Variants in DMBT1 observed in about 807,000 individuals in gnomAD.
The protein encoded by DMBT1 is deleted in malignant brain tumors 1, also known as scavenger receptor cysteine-rich domain-containing protein DMBT1.
A neutral mutation model predicts 252.9 loss-of-function variants in DMBT1; 198 were observed. The observed-to-expected ratio is 0.78, with a 90% CI of 0.70 to 0.88. The LOEUF is 0.88. Ranked by LOEUF, DMBT1 falls within the 40% of genes least tolerant of loss-of-function variation. DMBT1 has a pLI of 0.00. For missense variants in DMBT1, 2,432 were observed against 2,404.7 expected (o/e 1.01, Z -0.24); for synonymous variants, 990 against 942.7 (o/e 1.05, Z -0.92).
chr10:122,587,512 A>G (rs1409134716), intron 16 of DMBT1, among the ~76,000 whole-genome samples: 1 of 148,100 alleles, frequency 6.8e-6, no homozygotes, highest in Non-Finnish European at 1.5e-5. Flanking sequence ...GGGCTGGGCT[A>G]GAAGATCACA....
Position 122,631,014 on chromosome 10 carries a change from C to A in DMBT1, c.6079C>A (p.Arg2027Ser), listed in dbSNP as rs367889743. ...LNSSYGLCAGRVEIYHGGTWG... is the reference protein window; with the variant it reads ...LNSSYGLCAGSVEIYHGGTWG... ...TTCATCCTATGGTCTATGTGCCGGGCGTGTAGAAATTTACCATGGTGGCAC... is the reference window on the plus strand; with the variant it reads ...TTCATCCTATGGTCTATGTGCCGGGAGTGTAGAAATTTACCATGGTGGCAC... Residue 2027 changes from arginine (R) to serine (S), a missense_variant, in exon 49 of 56, where the codon CGT becomes AGT. Arg to Ser is a moderately radical substitution (Grantham distance 110). Coordinates refer to ENST00000338354, the MANE Select transcript of DMBT1 (RefSeq NM_001377530.1). 13 of 1,613,058 alleles carry A rather than the reference C, an allele frequency of 8.1e-6. No individual in the cohort carries two copies. Among genetic ancestry groups the A allele is most frequent in the Non-Finnish European group, 1.1e-5 (13 of 1,179,160 alleles).
intron 52 of DMBT1, among the ~76,000 whole-genome samples, chr10:122,634,352 CT>C (rs1184996032): frequency 1.1e-5 from 1 of 90,632 alleles, no homozygotes; most frequent in Non-Finnish European, 2.3e-5. Flanking sequence ...TTCTTTCTTT[CT>C]TTCTTTCTTT....
At chr10:122,637,079 G>C (rs1476016903) in intron 53 of DMBT1, 49 bp from the exon 54 acceptor site, 1 of 1,565,348 alleles carries the variant, frequency 6.4e-7, no homozygotes, top group South Asian at 1.2e-5. Context: ...CGTAGGACTT[G>C]TGGAGTCTGG....
Position 122,621,158 on chromosome 10 carries a change from G to A in DMBT1, c.5386G>A (p.Asp1796Asn). 1 of 1,613,896 alleles carries A rather than the reference G, an allele frequency of 6.2e-7. No homozygotes were observed. Among genetic ancestry groups the A allele is most frequent in the Non-Finnish European group, 8.5e-7 (1 of 1,179,806 alleles). Residue 1796 changes from aspartate to asparagine, a missense_variant, in exon 44 of 56, where the codon GAC becomes AAC. Asp to Asn is a conservative substitution (Grantham distance 23). This residue lies in a region of DMBT1 where 1,162 missense variants were observed against 1,169.0 expected (regional missense o/e 0.99). Transcript: ENST00000338354. ...YRGSWGTVCD[D>N]SWDTNDANVV... ...AGGCTCCTGGGGAACCGTGTGTGAT[G>A]ACAGCTGGGACACCAATGATGCCAA...
chr10:122,635,546 T>C (rs1435078570), intron 52 of DMBT1, among the ~76,000 whole-genome samples: 3 of 152,108 alleles, frequency 2.0e-5, no homozygotes, highest in Non-Finnish European at 4.4e-5. Flanking sequence ...TTGTTTCAAT[T>C]TTTATTTTTC....
chr10:122,578,681 G>A, intron 8 of DMBT1, 37 bp from the exon 9 acceptor site: 1 of 1,578,990 alleles, frequency 6.3e-7, no homozygotes, highest in Non-Finnish European at 8.6e-7. Flanking sequence ...TTCCCTTCAA[G>A]TCCAATTGTA....
intron 26 of DMBT1, 94 bp downstream of exon 26, chr10:122,599,191 C>G: frequency 6.3e-7 from 1 of 1,589,610 alleles, no homozygotes; most frequent in Non-Finnish European, 8.6e-7. Context: ...CTCAAAGCTT[C>G]TTCTATGTTT....
At chr10:122,630,219 C>T in intron 47 of DMBT1, 69 bp from the exon 48 acceptor site, 1 of 1,523,870 alleles carries the variant, frequency 6.6e-7, no homozygotes, top group Admixed American at 1.7e-5. Context: ...TCGTAAAGTG[C>T]AAACTATTTA....
chr10:122,576,333 C>T (rs1050523483), intron 6 of DMBT1, 66 bp from the exon 7 acceptor site: 7 of 1,579,808 alleles, frequency 4.4e-6, no homozygotes, highest in Admixed American at 3.5e-5. Flanking sequence ...CCCTGAATGC[C>T]CTGCAGGCCC....
chr10:122,621,428 C>A, intron 44 of DMBT1, 48 bp downstream of exon 44: 1 of 1,611,862 alleles, frequency 6.2e-7, no homozygotes, highest in Non-Finnish European at 8.5e-7. Context: ...GGAGTTTGCT[C>A]CAGAAGAAAC....
Position 122,637,192 on chromosome 10 carries a change from C to A in DMBT1, c.6822C>A (p.Gly2274=). ...GCAGGAGCTATCTCCAATCCTTGGG[C>A]TTTTCTGCCAGTGACCTTGTCATTT... is the stretch of plus-strand genomic sequence containing the variant. ...SVSRSYLQSL[G]FSASDLVIST... is the part of the protein sequence containing the mutation. The change falls in exon 54 of 56, where the codon GGC becomes GGA. Residue 2274 remains glycine, a synonymous_variant. Transcript: ENST00000338354. The A allele has an allele frequency of 6.2e-7, 1 of 1,614,022 alleles. No homozygotes were observed. Among genetic ancestry groups the A allele is most frequent in the South Asian group, 1.1e-5 (1 of 91,076 alleles).
At chr10:122,642,475 T>A (rs998236584) in intron 55 of DMBT1, among the ~76,000 whole-genome samples, 4 of 152,166 alleles carry the variant, frequency 2.6e-5, no homozygotes, top group Non-Finnish European at 5.9e-5. Flanking sequence ...TGTAAGCATA[T>A]CCTTAGGTTA....
intron 1 of DMBT1, among the ~76,000 whole-genome samples, chr10:122,563,781 A>T (rs1362317859): frequency 6.6e-6 from 1 of 152,162 alleles, no homozygotes; most frequent in African/African-American, 2.4e-5. Context: ...AACAACTTCA[A>T]TGTGGTGTTC....
rs1295520161 is a variant in DMBT1, at chr10:122,590,531, A to G, written c.2108-134A>G. On this transcript the variant is annotated intron_variant, in intron 17 of 55. Coordinates refer to ENST00000338354, the MANE Select transcript of DMBT1 (RefSeq NM_001377530.1). ...AAGGAGCATCTTTGTGGGGACGTGC[A>G]TGGCAATGCCCCTCCCTCTGTGATG... is the stretch of plus-strand genomic sequence containing the variant. 3.5e-6 allele frequency: 4 copies of G among 1,137,874 alleles called. No individual in the cohort carries two copies. In the African/African-American group the frequency reaches 5.8e-5, roughly 17 times the overall value. The allele number at this position is 1,137,874 out of a possible 1,614,324, so 70.5% of individuals were successfully genotyped here. A position where few individuals can be genotyped will look rare whatever the true frequency, so the allele number is the denominator to read the frequency against.
intron 25 of DMBT1, among the ~76,000 whole-genome samples, chr10:122,598,535 T>C (rs2097906959): frequency 6.6e-6 from 1 of 152,194 alleles, no homozygotes; most frequent in African/African-American, 2.4e-5. Context: ...CCATTCCTGT[T>C]AACTTCAGTA....
intron 9 of DMBT1, 30 bp downstream of exon 9, chr10:122,578,789 C>T: frequency 6.3e-7 from 1 of 1,586,134 alleles, no homozygotes. Context: ...CTCCCTGGGG[C>T]TCACTTTCTA....
intron 6 of DMBT1, 118 bp from the exon 7 acceptor site, chr10:122,576,281 C>T (rs2097711047): frequency 7.0e-7 from 1 of 1,425,884 alleles, no homozygotes; most frequent in South Asian, 1.4e-5. Context: ...AAAGCCCAGC[C>T]CAATTAGAGA....
At chr10:122,561,061 A>G (rs1300632534) in intron 1 of DMBT1, among the ~76,000 whole-genome samples, 1 of 152,246 alleles carries the variant, frequency 6.6e-6, no homozygotes, top group Non-Finnish European at 1.5e-5. Flanking sequence ...CATTAAGTCA[A>G]TGTTTTCAGT....
chr10:122,598,955 C>T lies in DMBT1; in HGVS notation c.3138C>T (p.Ala1046=). Residue 1046 remains alanine, a synonymous_variant, in exon 26 of 56, where the codon GCC becomes GCT. Coordinates refer to ENST00000338354, the MANE Select transcript of DMBT1 (RefSeq NM_001377530.1). ...GGGCCATGTCAGCCCCAGGAAATGC[C>T]CGGTTTGGTCAGGGCTCAGGACCCA... ...CGWAMSAPGN[A]RFGQGSGPIV... 1 of 1,613,756 alleles carries T rather than the reference C, an allele frequency of 6.2e-7. No individual in the cohort carries two copies. The highest frequency in any genetic ancestry group is 1.1e-5 in the South Asian group (1 of 91,070).
Sources: gnomAD v4.1 joint callset for allele counts (sites outside exome capture counted in the v4.1 genomes callset) on GRCh38, gnomAD v4.1.1 for gene constraint, gnomAD v4.1.1 regional missense constraint, MANE v1.5 for transcripts, NCBI Gene and HGNC (gene_info 2026-07-23, HGNC 2026-07-21) for gene names.